Variants in ZNF142 observed in about 807,000 individuals in gnomAD.
The protein encoded by ZNF142 is zinc finger protein 142 (clone pHZ-49).
A neutral mutation model predicts 132.1 loss-of-function variants in ZNF142; 96 were observed. The observed-to-expected ratio is 0.73, with a 90% CI of 0.62 to 0.86. The LOEUF (loss-of-function observed/expected upper bound fraction) is 0.86, where lower values mean the gene tolerates loss of function less well. Among genes scored for constraint, ZNF142 ranks in the 40% least tolerant of loss-of-function variants. The pLI, the probability that ZNF142 is intolerant of heterozygous loss-of-function variation, is 0.00. For missense variants in ZNF142, 2,163 were observed against 2,336.2 expected (o/e 0.93, Z 1.53); for synonymous variants, 842 against 890.1 (o/e 0.95, Z 0.96).
Position 218,646,168 on chromosome 2 carries a change from T to C in ZNF142, c.2051+3A>G. 6.2e-7 allele frequency: 1 copy of C among 1,612,632 alleles called. No individual in the cohort carries two copies. Among genetic ancestry groups the C allele is most frequent in the Admixed American group, 1.7e-5 (1 of 60,002 alleles). ...GGGACGGAGGCCTATGTGTGTGTTG[T>C]ACCTGAGGTCCCCTGCATGTTTTCG... On this transcript the variant is annotated splice_donor_region_variant and intron_variant, in intron 8 of 10. Coordinates refer to ENST00000411696, the MANE Select transcript of ZNF142 (RefSeq NM_001379659.1).
chr2:218,636,629 CATCTGGA>C lies in ZNF142; in HGVS notation c.*1703_*1709del. On this transcript the variant is annotated 3_prime_UTR_variant, in exon 11 of 11. Coordinates refer to ENST00000411696, the MANE Select transcript of ZNF142 (RefSeq NM_001379659.1). ...TGTGCTGGCTTTAGACGGGGAGAAA[CATCTGGA>C]AGGATGCTCGAGAGAACAAATGGAG... 6.5e-7 allele frequency: 1 copy of C among 1,546,134 alleles called. No homozygotes were observed. The highest frequency in any genetic ancestry group is 8.9e-7 in the Non-Finnish European group (1 of 1,124,684).
In ZNF142 at chr2:218,633,787, G is replaced by A. The variant is rs1696534280; in HGVS notation, c.*4552C>T. ...GTCAGGACCAAAATGGAGGGATGGG[G>A]AGGGAAGTGGGATGGATAGGTTCAG... On this transcript the variant is annotated 3_prime_UTR_variant, in exon 11 of 11. Transcript: ENST00000411696. 1.2e-6 allele frequency: 2 copies of A among 1,612,492 alleles called. No individual in the cohort carries two copies.
Position 218,642,398 on chromosome 2 carries a change from C to A in ZNF142, c.4718G>T (p.Arg1573Leu). The change falls in exon 9 of 11, where the codon CGG (arginine) becomes CTG (leucine). Residue 1573 changes from arginine (R) to leucine (L), a missense_variant. Arg to Leu is a moderately radical substitution (Grantham distance 102, BLOSUM62 -2). Transcript: ENST00000411696. The surrounding 1 kb of genome is among the most constrained non-coding windows in gnomAD (Gnocchi z 4.6). ...FPSRLALDEH[R>L]RQQHFSHRCQ... ...GCGGTGGCTGAAATGCTGCTGCCTC[C>A]GGTGCTCATCCAGAGCCAGTCGGCT... 6.2e-7 allele frequency: 1 copy of A among 1,612,906 alleles called. No individual in the cohort carries two copies. Among genetic ancestry groups the A allele is most frequent in the East Asian group, 2.2e-5 (1 of 44,888 alleles).
In ZNF142 at chr2:218,644,555, T is replaced by C; in HGVS notation, c.2561A>G (p.Gln854Arg). 2 of 1,614,102 alleles carry C rather than the reference T, an allele frequency of 1.2e-6. No homozygotes were observed. The highest frequency in any genetic ancestry group is 1.7e-6 in the Non-Finnish European group (2 of 1,180,024). ...CTCCTCACTCATCTCTGGCAGGGCCTGGTCCAAGCTGGGGTCCACCACAGT... is the reference window on the plus strand; with the variant it reads ...CTCCTCACTCATCTCTGGCAGGGCCCGGTCCAAGCTGGGGTCCACCACAGT... ...PGTVVDPSLDQALPEMSEEVN... is the reference protein window; with the variant it reads ...PGTVVDPSLDRALPEMSEEVN... Residue 854 changes from glutamine to arginine, a missense_variant, in exon 9 of 11, where the codon CAG becomes CGG. Physicochemically the swap from Gln to Arg is conservative, Grantham distance 43. Transcript: ENST00000411696. The surrounding 1 kb of genome is among the most constrained non-coding windows in gnomAD (Gnocchi z 4.6).
chr2:218,647,422 C>CAAAAAAAAAA (rs35920609), intron 7 of ZNF142, among the ~76,000 whole-genome samples: 2 of 38,650 alleles, frequency 5.2e-5, no homozygotes, highest in Admixed American at 5.4e-4. Flanking sequence ...GACTCCATCT[C>CAAAAAAAAAA]AAAAAAAAAA....
At chr2:218,656,844 G>T (rs1456895717) in intron 3 of ZNF142, among the ~76,000 whole-genome samples, 2 of 143,338 alleles carry the variant, frequency 1.4e-5, no homozygotes, top group African/African-American at 5.3e-5. Flanking sequence ...TTGAGACAGA[G>T]TCTCGCTCTG....
rs1334682488 is a variant in ZNF142 at position 218,651,695 on chromosome 2, T to C, written c.880+6A>G. ...GAGAGGAACTGCTTGGCCCTTGGCC[T>C]CATACCTGGCAGCAGCTCCTGGGAT... On this transcript the variant is annotated splice_donor_region_variant and intron_variant, in intron 5 of 10. Coordinates refer to ENST00000411696, the MANE Select transcript of ZNF142 (RefSeq NM_001379659.1). 1 of 1,277,826 alleles carries C rather than the reference T, an allele frequency of 7.8e-7. No homozygotes were observed. Among genetic ancestry groups the C allele is most frequent in the Non-Finnish European group, 1.0e-6 (1 of 982,592 alleles). 79.2% of individuals were successfully genotyped at this position (1,277,826 alleles called of 1,614,324 possible). A position where few individuals can be genotyped will look rare whatever the true frequency, so the allele number is the denominator to read the frequency against.
At chr2:218,639,298 C>A (rs1316640952) in intron 10 of ZNF142, among the ~76,000 whole-genome samples, 1 of 152,186 alleles carries the variant, frequency 6.6e-6, no homozygotes, top group Non-Finnish European at 1.5e-5. Flanking sequence ...GCCTTTCCAA[C>A]ACAGCGTCCT....
chr2:218,634,949 A>G lies in ZNF142; in HGVS notation c.*3390T>C, dbSNP rs2106169373. Among the ~76,000 whole-genome samples, 1 of 152,286 alleles carries G rather than the reference A, an allele frequency of 6.6e-6. No homozygotes were observed. Among genetic ancestry groups the G allele is most frequent in the South Asian group, 2.1e-4 (1 of 4,824 alleles). ...TTCCTGGCACACAGGAAGTGCTATA[A>G]AAGAGGCTGGCTGGGAGCGATAGCT... On this transcript the variant is annotated 3_prime_UTR_variant, in exon 11 of 11. Coordinates refer to ENST00000411696, the MANE Select transcript of ZNF142 (RefSeq NM_001379659.1). This position sits in a 1 kb window ranked among gnomAD's most constrained non-coding sequence, Gnocchi z 4.0.
rs756889371 is a variant in ZNF142 at position 218,644,818 on chromosome 2, C to T, written c.2298G>A (p.Lys766=). The T allele has an allele frequency of 6.2e-7, 1 of 1,614,234 alleles. No homozygotes were observed. The highest frequency in any genetic ancestry group is 8.5e-7 in the Non-Finnish European group (1 of 1,180,040). The change falls in exon 9 of 11, where the codon AAG becomes AAA. Residue 766 remains lysine (K), a synonymous_variant. Transcript: ENST00000411696. The surrounding 1 kb of genome is among the most constrained non-coding windows in gnomAD (Gnocchi z 4.6). ...AGTGGAACTCACGGAGGCGGGTATGCTTGCAGTTCTCATGGCTCAGCACAG... is the reference window on the plus strand; with the variant it reads ...AGTGGAACTCACGGAGGCGGGTATGTTTGCAGTTCTCATGGCTCAGCACAG... ...KQAVLSHENC[K]HTRLREFHCA... is the part of the protein sequence containing the mutation.
In ZNF142 at chr2:218,649,155, G is replaced by A. The variant is rs750009625; in HGVS notation, c.1353C>T (p.Asp451=). The stretch of plus-strand genomic sequence containing the variant: ...CACGGCAGACAGGACAGGCATAGGT[G>A]TCTGAGTAGAAGTTGGAAATATCTT... ...MHEDISNFYS[D]TYACPVCREE... The change falls in exon 7 of 11, where the codon GAC becomes GAT. Residue 451 remains aspartate (D), a synonymous_variant. Transcript: ENST00000411696. 1.2e-5 allele frequency: 19 copies of A among 1,614,082 alleles called. No individual in the cohort carries two copies. The highest frequency in any genetic ancestry group is 1.4e-5 in the Non-Finnish European group (17 of 1,180,048).
Position 218,643,443 on chromosome 2 carries a change from T to C in ZNF142, c.3673A>G (p.Lys1225Glu). Residue 1225 changes from lysine (K) to glutamate (E), a missense_variant, in exon 9 of 11, where the codon AAG becomes GAG. Lys to Glu is a moderately conservative substitution (Grantham distance 56, BLOSUM62 1). This residue lies in a region of ZNF142 where 809 missense variants were observed against 801.7 expected (regional missense o/e 1.01). Transcript: ENST00000411696. Reference protein sequence around the residue: ...ALKKHRFEQGKFHCNSCPFLC... With the variant: ...ALKKHRFEQGEFHCNSCPFLC... ...AATGGGCAGGAGTTGCAGTGAAACTTGCCCTGCTCAAAGCGGTGCTTCTTC... is the reference window on the plus strand; with the variant it reads ...AATGGGCAGGAGTTGCAGTGAAACTCGCCCTGCTCAAAGCGGTGCTTCTTC... 1.9e-6 allele frequency: 3 copies of C among 1,614,220 alleles called. No homozygotes were observed. Among genetic ancestry groups the C allele is most frequent in the Non-Finnish European group, 2.5e-6 (3 of 1,180,042 alleles).
chr2:218,637,172 C>A lies in ZNF142; in HGVS notation c.*1167G>T. On this transcript the variant is annotated 3_prime_UTR_variant, in exon 11 of 11. Coordinates refer to ENST00000411696, the MANE Select transcript of ZNF142 (RefSeq NM_001379659.1). ...CCCACTGGTATAAATACATCTCTCT[C>A]CAATTTGGCTTCAATATGGTCTGTC... The A allele has an allele frequency of 4.0e-6, 1 of 247,970 alleles. No individual in the cohort carries two copies. The highest frequency in any genetic ancestry group is 8.1e-6 in the Non-Finnish European group (1 of 123,710). 15.4% of individuals were successfully genotyped at this position (247,970 alleles called of 1,614,324 possible).
At chr2:218,638,907 C>G in intron 10 of ZNF142, 99 bp from the exon 11 acceptor site, 1 of 919,530 alleles carries the variant, frequency 1.1e-6, no homozygotes, top group East Asian at 2.7e-5. Context: ...ATGCAAGCAG[C>G]AAGTTGACTA....
chr2:218,648,998 T>C lies in ZNF142; in HGVS notation c.1510A>G (p.Ile504Val). Residue 504 changes from isoleucine (I) to valine (V), a missense_variant, in exon 7 of 11, where the codon ATT becomes GTT. By Grantham distance (29) the Ile-to-Val change is conservative. Around this residue, in one of 7 missense-constraint regions of ZNF142, gnomAD observed 749 missense variants for 830.3 expected, o/e 0.90. Coordinates refer to ENST00000411696, the MANE Select transcript of ZNF142 (RefSeq NM_001379659.1). ...CCATGGGTCTCCTTCAGGTGCTTAA[T>C]GAAGGCCTTGCGGTCGGGTGCTGCA... ...SYAAPDRKAF[I>V]KHLKETHGVR... is the part of the protein sequence containing the mutation. 6.2e-7 allele frequency: 1 copy of C among 1,612,326 alleles called. No homozygotes were observed. The highest frequency in any genetic ancestry group is 8.5e-7 in the Non-Finnish European group (1 of 1,180,030).
chr2:218,642,072 A>G lies in ZNF142; in HGVS notation c.5044T>C (p.Cys1682Arg). 1 of 1,614,196 alleles carries G rather than the reference A, an allele frequency of 6.2e-7. No homozygotes were observed. The highest frequency in any genetic ancestry group is 8.5e-7 in the Non-Finnish European group (1 of 1,180,024). Residue 1682 changes from cysteine (C) to arginine (R), a missense_variant, in exon 9 of 11, where the codon TGT becomes CGT. Physicochemically the swap from Cys to Arg is radical, Grantham distance 180. This residue lies in a region of ZNF142 where 325 missense variants were observed against 367.8 expected (regional missense o/e 0.88). Coordinates refer to ENST00000411696, the MANE Select transcript of ZNF142 (RefSeq NM_001379659.1). This position sits in a 1 kb window ranked among gnomAD's most constrained non-coding sequence, Gnocchi z 4.6. Reference sequence around the variant, plus strand: ...GCACAGGCATAGGGGCAGAGGTGACAGTGGTAAGGCTTTTCCCCAGTGTGG... The same window carrying G: ...GCACAGGCATAGGGGCAGAGGTGACGGTGGTAAGGCTTTTCCCCAGTGTGG... Reference protein sequence around the residue: ...RIHTGEKPYHCHLCPYACADP... With the variant: ...RIHTGEKPYHRHLCPYACADP...
At position 218,656,313 on chromosome 2, in the gene ZNF142, A is replaced by G; in HGVS notation, c.117T>C (p.Pro39=). 1 of 1,607,142 alleles carries G rather than the reference A, an allele frequency of 6.2e-7. No individual in the cohort carries two copies. The highest frequency in any genetic ancestry group is 1.7e-5 in the Admixed American group (1 of 59,308). Residue 39 remains proline (P), a synonymous_variant, in exon 4 of 11, where the codon CCT becomes CCC. Transcript: ENST00000411696. ...PPLSNRGILG[P]VQSPCPSRDP... is the part of the protein sequence containing the mutation. ...CCCGGGAAGGACAGGGGCTCTGGAC[A>G]GGCCCCAGGATTCCACGGTTAGAGA... is the stretch of plus-strand genomic sequence containing the variant.
rs937638830 is a variant in ZNF142, at chr2:218,636,449, G to T, written c.*1890C>A. ...CCCCAGCTCTGGCTGCCTTCCTAAT[G>T]CTGTCCTCCTGCCCCTTCCAGGTTA... On this transcript the variant is annotated 3_prime_UTR_variant, in exon 11 of 11. Transcript: ENST00000411696. The T allele has an allele frequency of 1.1e-5, 17 of 1,613,986 alleles. No individual in the cohort carries two copies. Among genetic ancestry groups the T allele is most frequent in the Admixed American group, 3.3e-5 (2 of 60,018 alleles).
rs576742805 is a variant in ZNF142, at chr2:218,647,871, T to G, written c.1873+764A>C. 2.0e-5 allele frequency among the ~76,000 whole-genome samples: 3 copies of G among 152,350 alleles called. No homozygotes were observed. The East Asian group carries it at 5.8e-4, about 29-fold the overall frequency. ...TCAGAGTTTGTCTCTTTTCTCATCT[T>G]TATCTGCCTTACTTAAAAGATTAAG... On this transcript the variant is annotated intron_variant, in intron 7 of 10. Transcript: ENST00000411696.
Sources: allele counts gnomAD v4.1 joint callset (sites outside exome capture counted in the v4.1 genomes callset), GRCh38; gene constraint gnomAD v4.1.1; regional missense constraint gnomAD v4.1.1; non-coding constraint Gnocchi (gnomAD v3.1); transcripts MANE v1.5; gene names NCBI Gene and HGNC (gene_info 2026-07-23, HGNC 2026-07-21).